NEK11: variants seen among roughly 807,000 people sequenced by gnomAD.
NEK11 encodes NIMA related kinase 11.
A neutral mutation model predicts 80.7 loss-of-function variants in NEK11; 72 were observed. The observed-to-expected ratio is 0.89, with a 90% CI of 0.74 to 1.08. The LOEUF (loss-of-function observed/expected upper bound fraction) is 1.08, where lower values mean the gene tolerates loss of function less well. Among genes scored for constraint, NEK11 ranks in the 50% least tolerant of loss-of-function variants. The pLI is 0.00. For missense variants in NEK11, 764 were observed against 763.6 expected, an observed-to-expected ratio of 1.00 and a Z score of -0.01; for synonymous variants, 251 against 260.7, an observed-to-expected ratio of 0.96 and a Z score of 0.36.
At chr3:131,165,703 C>T (rs186612686) in intron 12 of NEK11, among the ~76,000 whole-genome samples, 184 bp downstream of exon 12, 2 of 152,210 alleles carry the variant, frequency 1.3e-5, no homozygotes, top group East Asian at 3.9e-4. Flanking sequence ...GCGGCTGTAG[C>T]GAGAGGTGGA....
At chr3:131,231,954 A>C (rs1194082610) in intron 15 of NEK11, among the ~76,000 whole-genome samples, 1 of 152,196 alleles carries the variant, frequency 6.6e-6, no homozygotes, top group Non-Finnish European at 1.5e-5. Context: ...AAGTGCTTTC[A>C]AAAAGAAACA....
chr3:131,281,862 G>T (rs1302136850), intron 17 of NEK11, among the ~76,000 whole-genome samples: 1 of 152,098 alleles, frequency 6.6e-6, no homozygotes, highest in Middle Eastern at 3.4e-3. Context: ...TCATTGTGTG[G>T]TCTATTTTAC....
At chr3:131,138,319 C>T (rs934968047) in intron 7 of NEK11, among the ~76,000 whole-genome samples, 5 of 152,164 alleles carry the variant, frequency 3.3e-5, no homozygotes, top group Non-Finnish European at 7.3e-5. Flanking sequence ...GGTGAAGCTC[C>T]TCTGCACATA....
At chr3:131,047,358 G>T (rs373208170) in intron 3 of NEK11, among the ~76,000 whole-genome samples, 3 of 152,142 alleles carry the variant, frequency 2.0e-5, no homozygotes, top group Non-Finnish European at 4.4e-5. Context: ...TTGTTTTTTC[G>T]TATTACCAGG....
chr3:131,206,679 T>A (rs1390858611), intron 14 of NEK11, among the ~76,000 whole-genome samples: 2 of 152,240 alleles, frequency 1.3e-5, no homozygotes, highest in East Asian at 3.8e-4. Flanking sequence ...TTATTTATTT[T>A]TTTATTATAC....
At position 131,248,592 on chromosome 3, in the gene NEK11, TC is replaced by T. The variant is rs1157794986; in HGVS notation, c.1621+5102del. Among the ~76,000 whole-genome samples, 15 of 151,956 alleles carry T rather than the reference TC, an allele frequency of 9.9e-5. No homozygotes were observed. The South Asian group carries it at 2.3e-3, about 23-fold the overall frequency. ...CTCTTCCATGGCCTGGATTGCATGGTCCCCCCGTGGAAAGCTGGATCACAGA... is the reference window on the plus strand; with the variant it reads ...CTCTTCCATGGCCTGGATTGCATGGTCCCCCGTGGAAAGCTGGATCACAGA... On this transcript the variant is annotated intron_variant, in intron 16 of 17. Coordinates refer to ENST00000383366, the MANE Select transcript of NEK11 (RefSeq NM_024800.5).
rs566297797 is a variant in NEK11, at chr3:131,035,323, G to T, written c.170+5445G>T. Among the ~76,000 whole-genome samples, 32 of 152,200 alleles carry T rather than the reference G, an allele frequency of 2.1e-4. No individual in the cohort carries two copies. In the South Asian group the frequency reaches 2.5e-3, roughly 12 times the overall value. ...GTCATACTGACAACAGAGGGGAGTGGTCTTAGACCATAAGAGTAAGGGAGG... is the reference window on the plus strand; with the variant it reads ...GTCATACTGACAACAGAGGGGAGTGTTCTTAGACCATAAGAGTAAGGGAGG... On this transcript the variant is annotated intron_variant, in intron 3 of 17. Transcript: ENST00000383366.
At chr3:131,120,234 A>G (rs566045058) in intron 5 of NEK11, among the ~76,000 whole-genome samples, 31 of 152,306 alleles carry the variant, frequency 2.0e-4, no homozygotes, top group Non-Finnish European at 3.7e-4. Context: ...TGCCTCATTT[A>G]TGAAGCTTAG....
At chr3:131,273,999 G>A (rs2096247738) in intron 17 of NEK11, among the ~76,000 whole-genome samples, 1 of 150,938 alleles carries the variant, frequency 6.6e-6, no homozygotes, top group Non-Finnish European at 1.5e-5. Flanking sequence ...GGGTACATGT[G>A]CACATTGTGC....
chr3:131,336,680 C>A (rs1305811437), intron 17 of NEK11, among the ~76,000 whole-genome samples: 1 of 152,072 alleles, frequency 6.6e-6, no homozygotes, highest in Non-Finnish European at 1.5e-5. Flanking sequence ...AGTGAACAGG[C>A]AACCTACAAA....
intron 14 of NEK11, among the ~76,000 whole-genome samples, chr3:131,182,083 C>T (rs1426759024): frequency 6.6e-6 from 1 of 150,820 alleles, no homozygotes; most frequent in African/African-American, 2.4e-5. Context: ...AGTGAGAGAT[C>T]CCCTAGAATC....
chr3:131,202,786 C>A (rs1390146817), intron 14 of NEK11, among the ~76,000 whole-genome samples: 1 of 152,184 alleles, frequency 6.6e-6, no homozygotes, highest in Non-Finnish European at 1.5e-5. Context: ...ACAGACACTT[C>A]TCAAACGAAG....
At chr3:131,258,617 C>A (rs1020882588) in intron 16 of NEK11, among the ~76,000 whole-genome samples, 7 of 152,164 alleles carry the variant, frequency 4.6e-5, no homozygotes, top group Non-Finnish European at 7.3e-5. Flanking sequence ...ACAGACACTT[C>A]GTCTCTTCCT....
chr3:131,093,718 T>A (rs1411746580), intron 4 of NEK11, among the ~76,000 whole-genome samples: 1 of 152,162 alleles, frequency 6.6e-6, no homozygotes, highest in East Asian at 1.9e-4. Context: ...GATGTGCAAT[T>A]TGAACAAATA....
intron 14 of NEK11, among the ~76,000 whole-genome samples, chr3:131,210,869 C>T (rs530770872): frequency 1.1e-4 from 16 of 152,228 alleles, no homozygotes; most frequent in African/African-American, 3.6e-4. Flanking sequence ...ATGTGTGTCT[C>T]TGAATGTGAA....
intron 4 of NEK11, among the ~76,000 whole-genome samples, chr3:131,098,740 T>C (rs2077885346): frequency 6.6e-6 from 1 of 152,054 alleles, no homozygotes; most frequent in South Asian, 2.1e-4. Flanking sequence ...CACACCCAGC[T>C]AATTTTTGTA....
chr3:131,321,906 T>C (rs549854334), intron 17 of NEK11, among the ~76,000 whole-genome samples: 35 of 152,336 alleles, frequency 2.3e-4, no homozygotes, highest in African/African-American at 7.5e-4. Flanking sequence ...GTAAATTAGT[T>C]CAGCCACTGT....
chr3:131,064,914 A>AC (rs1419532469), intron 3 of NEK11, among the ~76,000 whole-genome samples: 2 of 152,056 alleles, frequency 1.3e-5, no homozygotes, highest in Non-Finnish European at 2.9e-5. Context: ...GGAAGAGTGA[A>AC]CGTTGGAGCC....
intron 14 of NEK11, among the ~76,000 whole-genome samples, chr3:131,207,736 A>G (rs1000812714): frequency 6.6e-6 from 1 of 152,112 alleles, no homozygotes; most frequent in Non-Finnish European, 1.5e-5. Context: ...GCATTTTTTC[A>G]TGTGACTGTT....
Sources: allele counts gnomAD v4.1 joint callset (sites outside exome capture counted in the v4.1 genomes callset), GRCh38; gene constraint gnomAD v4.1.1; transcripts MANE v1.5; gene names NCBI Gene and HGNC (gene_info 2026-07-23, HGNC 2026-07-21).